Variants in ASIC2 observed in about 807,000 individuals in gnomAD.
ASIC2 encodes acid-sensing ion channel 2.
A neutral mutation model predicts 57.3 loss-of-function variants in ASIC2; 25 were observed. The observed-to-expected ratio is 0.44, with a 90% CI of 0.32 to 0.61. The LOEUF is 0.61. Ranked by LOEUF, ASIC2 falls within the 20% of genes least tolerant of loss-of-function variation. The pLI, the probability that ASIC2 is intolerant of heterozygous loss-of-function variation, is 0.06. For synonymous variants in ASIC2, 319 were observed against 307.5 expected, an observed-to-expected ratio of 1.04 and a Z score of -0.39; for missense variants, 641 against 738.1, an observed-to-expected ratio of 0.87 and a Z score of 1.52.
At chr17:33,243,608 G>A (rs1249880779) in intron 1 of ASIC2, among the ~76,000 whole-genome samples, 8 of 152,200 alleles carry the variant, frequency 5.3e-5, no homozygotes, top group Non-Finnish European at 1.2e-4. Flanking sequence ...AATAGACTGT[G>A]TGTGATGTTG....
intron 1 of ASIC2, among the ~76,000 whole-genome samples, chr17:33,375,612 C>T (rs556135904): frequency 1.3e-5 from 2 of 152,068 alleles, no homozygotes; most frequent in African/African-American, 2.4e-5. Flanking sequence ...GACTGACTAC[C>T]GGGACTGCAA....
intron 2 of ASIC2, among the ~76,000 whole-genome samples, chr17:33,094,694 A>G (rs1278786953): frequency 6.6e-6 from 1 of 152,148 alleles, no homozygotes; most frequent in Non-Finnish European, 1.5e-5. Flanking sequence ...GGGGCAGCCC[A>G]TGGTTTTGGA....
intron 1 of ASIC2, among the ~76,000 whole-genome samples, chr17:33,495,233 G>C (rs910464875): frequency 2.6e-5 from 4 of 152,152 alleles, no homozygotes; most frequent in Non-Finnish European, 5.9e-5. Flanking sequence ...TTCTGTCCCT[G>C]TCTCTAGACC....
At chr17:33,770,237 G>A (rs1911054504) in intron 1 of ASIC2, among the ~76,000 whole-genome samples, 1 of 152,186 alleles carries the variant, frequency 6.6e-6, no homozygotes, top group African/African-American at 2.4e-5. Context: ...CACTGTGATG[G>A]ATGCTTTATT....
chr17:33,786,720 T>C (rs1911610397), intron 1 of ASIC2, among the ~76,000 whole-genome samples: 1 of 152,118 alleles, frequency 6.6e-6, no homozygotes, highest in South Asian at 2.1e-4. Flanking sequence ...AAGCCCTGGG[T>C]CATTTTGCTG....
intron 1 of ASIC2, among the ~76,000 whole-genome samples, chr17:33,441,473 A>G (rs957235811): frequency 2.0e-5 from 3 of 152,116 alleles, no homozygotes; most frequent in Non-Finnish European, 2.9e-5. Flanking sequence ...GTTTGAATTG[A>G]TTTTTGTGTA....
At chr17:33,962,970 C>G (rs756393900) in intron 1 of ASIC2, among the ~76,000 whole-genome samples, 27 of 152,304 alleles carry the variant, frequency 1.8e-4, no homozygotes, top group Middle Eastern at 6.8e-3. Flanking sequence ...TGCCACATCT[C>G]TACTTGGGGT....
intron 3 of ASIC2, among the ~76,000 whole-genome samples, chr17:33,038,422 G>T (rs192108456): frequency 1.7e-4 from 26 of 152,318 alleles, no homozygotes; most frequent in African/African-American, 6.3e-4. Context: ...CCAGGAAGAT[G>T]AATCTATGGG....
At chr17:33,809,777 G>T (rs1597885002) in intron 1 of ASIC2, among the ~76,000 whole-genome samples, 1 of 152,216 alleles carries the variant, frequency 6.6e-6, no homozygotes, top group East Asian at 1.9e-4. Flanking sequence ...TTTAGTGCAT[G>T]AATGCTAACA....
intron 1 of ASIC2, among the ~76,000 whole-genome samples, chr17:33,927,607 T>C (rs1181542502): frequency 6.6e-6 from 1 of 152,228 alleles, no homozygotes; most frequent in Non-Finnish European, 1.5e-5. Context: ...ATTTCTACTG[T>C]TAATAAATTA....
intron 1 of ASIC2, among the ~76,000 whole-genome samples, chr17:33,240,489 A>T (rs1478354037): frequency 1.3e-5 from 2 of 152,200 alleles, no homozygotes; most frequent in Non-Finnish European, 2.9e-5. Context: ...AGATGCTTGG[A>T]TGCTAGGCAA....
rs59202579 is a variant in ASIC2 at position 33,150,767 on chromosome 17, G to A, written c.709-38700C>T. 8.3e-5 allele frequency among the ~76,000 whole-genome samples: 7 copies of A among 84,104 alleles called. 2 individuals are homozygous for A. The highest frequency in any genetic ancestry group is 2.1e-4 in the Admixed American group (2 of 9,724). 55.2% of individuals were successfully genotyped at this position (84,104 alleles called of 152,430 possible). ...TGGGAGGCTGAGGCGGGAGAATGGCGTGAACCCGGGAGGCGGAGCTTGCAG... is the reference window on the plus strand; with the variant it reads ...TGGGAGGCTGAGGCGGGAGAATGGCATGAACCCGGGAGGCGGAGCTTGCAG... On this transcript the variant is annotated intron_variant, in intron 1 of 9. Coordinates refer to ENST00000225823, the MANE Select transcript of ASIC2 (RefSeq NM_183377.2).
chr17:33,797,642 T>C (rs1197061539), intron 1 of ASIC2, among the ~76,000 whole-genome samples: 1 of 152,204 alleles, frequency 6.6e-6, no homozygotes, highest in Non-Finnish European at 1.5e-5. Flanking sequence ...AACAGATATT[T>C]TATTCTGATA....
intron 3 of ASIC2, among the ~76,000 whole-genome samples, chr17:33,059,909 A>G (rs779766763): frequency 1.3e-5 from 2 of 152,352 alleles, no homozygotes; most frequent in East Asian, 3.9e-4. Context: ...TCTAATGGCC[A>G]GTGATGATGA....
chr17:34,087,305 G>A (rs1485033664), intron 1 of ASIC2, among the ~76,000 whole-genome samples: 1 of 151,782 alleles, frequency 6.6e-6, no homozygotes, highest in African/African-American at 2.4e-5. Flanking sequence ...ATGAAGCTTA[G>A]TTTGGCTGGA....
chr17:33,741,162 C>A (rs1158541602), intron 1 of ASIC2, among the ~76,000 whole-genome samples: 1 of 152,152 alleles, frequency 6.6e-6, no homozygotes, highest in African/African-American at 2.4e-5. Context: ...GGTCTTCAGA[C>A]CCTTAAGTTG....
chr17:33,891,599 T>C (rs866780204), intron 1 of ASIC2, among the ~76,000 whole-genome samples: 1 of 152,212 alleles, frequency 6.6e-6, no homozygotes, highest in Non-Finnish European at 1.5e-5. Flanking sequence ...GTTAATCCCA[T>C]AGACACTGAG....
intron 1 of ASIC2, among the ~76,000 whole-genome samples, chr17:34,137,445 T>C (rs1248688416): frequency 6.6e-6 from 1 of 152,236 alleles, no homozygotes; most frequent in African/African-American, 2.4e-5. Flanking sequence ...GTTAATTCTC[T>C]AGGTTTGTTA....
chr17:33,873,528 C>T (rs1376830429), intron 1 of ASIC2, among the ~76,000 whole-genome samples: 1 of 152,178 alleles, frequency 6.6e-6, no homozygotes, highest in Non-Finnish European at 1.5e-5. Flanking sequence ...TTCTTGAGGC[C>T]ATCACTTACT....
Sources: gnomAD v4.1 joint callset for allele counts (sites outside exome capture counted in the v4.1 genomes callset) on GRCh38, gnomAD v4.1.1 for gene constraint, MANE v1.5 for transcripts, NCBI Gene and HGNC (gene_info 2026-07-23, HGNC 2026-07-21) for gene names.